The following MYO15A variants were observed in gnomAD, a reference collection of about 807,000 sequenced individuals.
MYO15A encodes the protein myosin XVA.
A neutral mutation model predicts 394.6 loss-of-function variants in MYO15A; 308 were observed. The ratio of observed to expected loss-of-function variants is 0.78; its 90% CI spans 0.71 to 0.86. The LOEUF is 0.86. Among genes scored for constraint, MYO15A ranks in the 40% least tolerant of loss-of-function variants. The probability of loss-of-function intolerance (pLI) is 0.00; values close to 1 mark genes in which losing one functional copy is unlikely to be tolerated. For missense variants in MYO15A, 4,606 were observed against 4,799.1 expected (o/e 0.96, Z 1.19); for synonymous variants, 1,957 against 2,003.8 (o/e 0.98, Z 0.62).
At chr17:18,152,283 C>T (rs959209694) in intron 42 of MYO15A, 99 bp downstream of exon 42, 11 of 1,167,518 alleles carry the variant, frequency 9.4e-6, no homozygotes, top group Non-Finnish European at 1.4e-5. Context: ...TGTCTATGTC[C>T]CTGAGCCCCT....
rs952513348 is a variant in MYO15A, at chr17:18,132,799, C to G, written c.4320+233C>G. Among the ~76,000 whole-genome samples, 1 of 152,210 alleles carries G rather than the reference C, an allele frequency of 6.6e-6. No homozygotes were observed. Reference sequence around the variant, plus strand: ...GACTTCATTTCTCTGGAACCTGGAACAGAACCAACCAGTCTAGAGTTTCTA... The same window carrying G: ...GACTTCATTTCTCTGGAACCTGGAAGAGAACCAACCAGTCTAGAGTTTCTA... On this transcript the variant is annotated intron_variant, in intron 11 of 65. Coordinates refer to ENST00000647165, the MANE Select transcript of MYO15A (RefSeq NM_016239.4). This position sits in a 1 kb window ranked among gnomAD's most constrained non-coding sequence, Gnocchi z 4.6.
Position 18,118,806 on chromosome 17 carries a change from G to C in MYO15A, c.6G>C (p.Ala2=). 1 of 1,608,148 alleles carries C rather than the reference G, an allele frequency of 6.2e-7. No homozygotes were observed. The highest frequency in any genetic ancestry group is 1.3e-5 in the African/African-American group (1 of 74,930). Residue 2 remains alanine, a synonymous_variant, in exon 2 of 66, where the codon GCG becomes GCC. Coordinates refer to ENST00000647165, the MANE Select transcript of MYO15A (RefSeq NM_016239.4). ...GTAGAGAGCAGGCAGCCACCATGGC[G>C]AAGGAGGAAGATGAGGAGAAGAAAG... M[A]KEEDEEKKAK... is the part of the protein sequence containing the mutation.
At chr17:18,151,757 T>TGGA in intron 40 of MYO15A, 89 bp from the exon 41 acceptor site, 1 of 1,303,956 alleles carries the variant, frequency 7.7e-7, no homozygotes, top group Non-Finnish European at 1.1e-6. Context: ...TAGGGGGTGG[T>TGGA]GGAGGAGGAG....
In MYO15A at chr17:18,136,694, C is replaced by A. The variant is rs1486185574; in HGVS notation, c.4779+8C>A. On this transcript the variant is annotated splice_region_variant and intron_variant, in intron 15 of 65. Coordinates refer to ENST00000647165, the MANE Select transcript of MYO15A (RefSeq NM_016239.4). ...GACATCTATGGTTTCGAGGTGGGGC[C>A]GTGTAGGAGGCTGAGGGGCGGGGGA... 2 of 1,594,890 alleles carry A rather than the reference C, an allele frequency of 1.3e-6. No individual in the cohort carries two copies. Among genetic ancestry groups the A allele is most frequent in the East Asian group, 4.5e-5 (2 of 44,188 alleles).
intron 17 of MYO15A, 116 bp downstream of exon 17, chr17:18,138,362 G>T: frequency 1.5e-6 from 2 of 1,346,786 alleles, no homozygotes; most frequent in Non-Finnish European, 2.1e-6. Flanking sequence ...GGCAGTGGGG[G>T]GTTGGGACAC....
chr17:18,132,661 G>C lies in MYO15A; in HGVS notation c.4320+95G>C. Reference sequence around the variant, plus strand: ...TGGGAGCCGAGTTGTGAGTGATGGAGTGTGAAGGTGAAGGAGATTTGGGGA... The same window carrying C: ...TGGGAGCCGAGTTGTGAGTGATGGACTGTGAAGGTGAAGGAGATTTGGGGA... On this transcript the variant is annotated intron_variant, in intron 11 of 65. Coordinates refer to ENST00000647165, the MANE Select transcript of MYO15A (RefSeq NM_016239.4). The surrounding 1 kb of genome is among the most constrained non-coding windows in gnomAD (Gnocchi z 4.6). The C allele has an allele frequency of 1.0e-6, 1 of 987,890 alleles. No individual in the cohort carries two copies. Among genetic ancestry groups the C allele is most frequent in the Non-Finnish European group, 1.6e-6 (1 of 633,248 alleles). The allele number at this position is 987,890 out of a possible 1,614,324, so 61.2% of individuals were successfully genotyped here.
intron 3 of MYO15A, 88 bp downstream of exon 3, chr17:18,124,653 C>T (rs2046000508): frequency 8.6e-6 from 11 of 1,275,130 alleles, no homozygotes; most frequent in Non-Finnish European, 1.1e-5. Context: ...GCAGTTGCCT[C>T]TCACCTCCCA....
chr17:18,174,982 C>T (rs1050729329), intron 65 of MYO15A, among the ~76,000 whole-genome samples: 1 of 152,128 alleles, frequency 6.6e-6, no homozygotes, highest in Non-Finnish European at 1.5e-5. Context: ...ATGCACTCCT[C>T]ACCACACCCC....
intron 12 of MYO15A, among the ~76,000 whole-genome samples, chr17:18,133,706 A>C (rs903153347): frequency 4.6e-5 from 7 of 151,850 alleles, no homozygotes; most frequent in Non-Finnish European, 1.0e-4. Flanking sequence ...GCAATGGCGC[A>C]GTCTTGGCTC....
chr17:18,112,406 G>A (rs191587178), intron 1 of MYO15A, among the ~76,000 whole-genome samples: 1 of 151,860 alleles, frequency 6.6e-6, no homozygotes, highest in East Asian at 1.9e-4. Flanking sequence ...TTTTTTGGGG[G>A]GTCGTGGGGG....
rs770323358 is a variant in MYO15A at position 18,173,895 on chromosome 17, C to G, written c.10465C>G (p.Arg3489Gly). 2 of 1,612,902 alleles carry G rather than the reference C, an allele frequency of 1.2e-6. No individual in the cohort carries two copies. Among genetic ancestry groups the G allele is most frequent in the Non-Finnish European group, 1.7e-6 (2 of 1,179,502 alleles). The change falls in exon 65 of 66, where the codon CGC becomes GGC. Residue 3489 changes from arginine (R) to glycine (G), a missense_variant. Around this residue, in one of 2 missense-constraint regions of MYO15A, gnomAD observed 2,776 missense variants for 3,109.3 expected, o/e 0.89. Transcript: ENST00000647165. Reference protein sequence around the residue: ...EIALGDVAAQRTLQLQLEQGL... With the variant: ...EIALGDVAAQGTLQLQLEQGL... Reference sequence around the variant, plus strand: ...TGCGCTGGGGGACGTGGCGGCCCAGCGCACCTTGCAGCTGCAGCTGGAGCA... The same window carrying G: ...TGCGCTGGGGGACGTGGCGGCCCAGGGCACCTTGCAGCTGCAGCTGGAGCA...
chr17:18,141,935 C>G, intron 23 of MYO15A, 144 bp from the exon 24 acceptor site: 1 of 1,227,940 alleles, frequency 8.1e-7, no homozygotes, highest in South Asian at 1.2e-5. Context: ...CTCTCTTCAA[C>G]CTCTCCAAGT....
intron 52 of MYO15A, 120 bp downstream of exon 52, chr17:18,158,758 C>T: frequency 7.1e-7 from 1 of 1,408,786 alleles, no homozygotes; most frequent in Non-Finnish European, 1.0e-6. Flanking sequence ...TGAGAGACCA[C>T]CCAGGTGTGA....
intron 65 of MYO15A, chr17:18,177,816 C>CA (rs1345618675): frequency 6.6e-6 from 1 of 152,260 alleles, no homozygotes; most frequent in Non-Finnish European, 1.5e-5. Flanking sequence ...AGTTAACACT[C>CA]AGAGTGCGCC....
At position 18,132,390 on chromosome 17, in the gene MYO15A, G is replaced by A; in HGVS notation, c.4207-63G>A. ...CTTGTGGGCAGGCTTGGGCTTGTAT[G>A]TGTGCCTGGGGGTCACCTAGGTAGG... On this transcript the variant is annotated intron_variant, in intron 10 of 65. Coordinates refer to ENST00000647165, the MANE Select transcript of MYO15A (RefSeq NM_016239.4). The surrounding 1 kb of genome is among the most constrained non-coding windows in gnomAD (Gnocchi z 4.6). The A allele has an allele frequency of 7.6e-7, 1 of 1,324,152 alleles. No homozygotes were observed. The highest frequency in any genetic ancestry group is 1.2e-5 in the South Asian group (1 of 85,138). The allele number at this position is 1,324,152 out of a possible 1,614,324, so 82.0% of individuals were successfully genotyped here. A position where few individuals can be genotyped will look rare whatever the true frequency, so the allele number is the denominator to read the frequency against.
At chr17:18,143,656 G>T (rs550679798) in intron 26 of MYO15A, 37 bp downstream of exon 26, 3 of 1,570,544 alleles carry the variant, frequency 1.9e-6, no homozygotes, top group Admixed American at 3.8e-5. Flanking sequence ...GGCCAAGGAG[G>T]GAGGCTGGCA....
chr17:18,149,950 C>CAAAAA (rs369728454), intron 35 of MYO15A: 151 of 125,070 alleles, frequency 1.2e-3, no homozygotes, highest in South Asian at 2.7e-3. Flanking sequence ...GACCCTGTCT[C>CAAAAA]AAAAAAAAAA....
intron 1 of MYO15A, among the ~76,000 whole-genome samples, chr17:18,118,068 A>G (rs2142233205): frequency 6.7e-6 from 1 of 149,726 alleles, no homozygotes; most frequent in South Asian, 2.1e-4. Flanking sequence ...CCCCGCCCCA[A>G]CACACACACA....
At chr17:18,134,647 C>A (rs980210540) in intron 12 of MYO15A, among the ~76,000 whole-genome samples, 1 of 152,108 alleles carries the variant, frequency 6.6e-6, no homozygotes, top group African/African-American at 2.4e-5. Context: ...TTTTGGGAGG[C>A]CAAGGCAGGT....
Sources: allele counts gnomAD v4.1 joint callset (sites outside exome capture counted in the v4.1 genomes callset), GRCh38; gene constraint gnomAD v4.1.1; regional missense constraint gnomAD v4.1.1; non-coding constraint Gnocchi (gnomAD v3.1); transcripts MANE v1.5; gene names NCBI Gene and HGNC (gene_info 2026-07-23, HGNC 2026-07-21).